BACH2: variants seen among roughly 807,000 people sequenced by gnomAD.
BACH2 encodes BACH transcriptional regulator 2, also known as transcription regulator protein BACH2.
In BACH2, 5 loss-of-function variants were observed where a neutral mutation model predicts 61.8. The ratio of observed to expected loss-of-function variants is 0.08; its 90% CI spans 0.04 to 0.17. The LOEUF (loss-of-function observed/expected upper bound fraction) is 0.17, where lower values mean the gene tolerates loss of function less well. Ranked by LOEUF, BACH2 falls within the 10% of genes least tolerant of loss-of-function variation. BACH2 has a pLI of 1.00. For missense variants in BACH2, 824 were observed against 1,091.1 expected, an observed-to-expected ratio of 0.76 and a Z score of 3.45; for synonymous variants, 446 against 440.1, an observed-to-expected ratio of 1.01 and a Z score of -0.17.
At chr6:90,021,726 T>C (rs16882357) in intron 5 of BACH2, among the ~76,000 whole-genome samples, 17,644 of 152,266 alleles carry the variant, frequency 0.12, 1,049 homozygotes, top group East Asian at 0.18. Flanking sequence ...GGAAACACTT[T>C]CTAATGCATC....
chr6:90,002,258 A>G (rs1777172870), intron 6 of BACH2, among the ~76,000 whole-genome samples: 1 of 152,170 alleles, frequency 6.6e-6, no homozygotes, highest in African/African-American at 2.4e-5. Flanking sequence ...TTAATTCGAG[A>G]AAGCTCCAAG....
intron 1 of BACH2, among the ~76,000 whole-genome samples, chr6:90,276,144 G>A (rs606745): frequency 0.016 from 2,494 of 152,230 alleles, 50 homozygotes; most frequent in African/African-American, 0.056. Flanking sequence ...AGCAATACAT[G>A]TGTAAAACGT....
chr6:90,176,903 C>G (rs754657731), intron 4 of BACH2, among the ~76,000 whole-genome samples: 14 of 152,160 alleles, frequency 9.2e-5, no homozygotes, highest in Non-Finnish European at 7.3e-5. Flanking sequence ...AGAGTAGCCT[C>G]CAAGCCACTT....
chr6:90,269,876 A>G (rs974465651), intron 2 of BACH2, among the ~76,000 whole-genome samples: 1 of 152,140 alleles, frequency 6.6e-6, no homozygotes, highest in Non-Finnish European at 1.5e-5. Context: ...TTTTATTTCA[A>G]TAGTTTTGGG....
intron 4 of BACH2, among the ~76,000 whole-genome samples, chr6:90,092,893 G>A (rs1782233277): frequency 6.6e-6 from 1 of 152,158 alleles, no homozygotes; most frequent in South Asian, 2.1e-4. Context: ...GTAGTGATGG[G>A]AGTGCCTTAG....
In BACH2 at chr6:89,950,655, C is replaced by T. The variant is rs749059526; in HGVS notation, c.1451G>A (p.Gly484Glu). 1.2e-6 allele frequency: 2 copies of T among 1,614,040 alleles called. No homozygotes were observed. Among genetic ancestry groups the T allele is most frequent in the Non-Finnish European group, 1.7e-6 (2 of 1,180,028 alleles). The change falls in exon 7 of 9, where the codon GGG becomes GAG. Residue 484 changes from glycine to glutamate, a missense_variant. Gly to Glu is a moderately conservative substitution (Grantham distance 98, BLOSUM62 -2). Coordinates refer to ENST00000257749, the MANE Select transcript of BACH2 (RefSeq NM_021813.4). The surrounding 1 kb of genome is among the most constrained non-coding windows in gnomAD (Gnocchi z 5.3). ...TCCTGGCAAGTGGTCGGCCATCAGC[C>T]CACCGTGGGAGTAGGCCTGCGAGCT... ...LPSSQAYSHG[G>E]LMADHLPGRM...
chr6:90,117,437 C>G (rs1193801539), intron 4 of BACH2, among the ~76,000 whole-genome samples: 1 of 150,250 alleles, frequency 6.7e-6, no homozygotes, highest in African/African-American at 2.5e-5. Context: ...CTTCCTGTCT[C>G]ATTTACTTCT....
intron 4 of BACH2, among the ~76,000 whole-genome samples, chr6:90,135,913 G>T (rs908665772): frequency 3.3e-5 from 5 of 152,092 alleles, no homozygotes; most frequent in African/African-American, 9.7e-5. Flanking sequence ...CTGCCGCCAG[G>T]TCTGTGGCCA....
chr6:89,988,507 A>G (rs576082258), intron 6 of BACH2, among the ~76,000 whole-genome samples: 3 of 152,330 alleles, frequency 2.0e-5, no homozygotes, highest in South Asian at 2.1e-4. Flanking sequence ...AAAATAGCTC[A>G]AAGCCTTTCC....
chr6:89,954,763 C>T (rs1774333402), intron 6 of BACH2, among the ~76,000 whole-genome samples: 3 of 152,220 alleles, frequency 2.0e-5, no homozygotes, highest in East Asian at 1.9e-4. Context: ...AAAGTCTCCA[C>T]ATCACAAATC....
At chr6:90,048,013 A>C (rs142137197) in intron 5 of BACH2, among the ~76,000 whole-genome samples, 181 of 152,308 alleles carry the variant, frequency 1.2e-3, no homozygotes, top group African/African-American at 3.8e-3. Context: ...TTCATATTCC[A>C]TTCTATTGCT....
chr6:90,205,099 C>T (rs1228997528), intron 4 of BACH2, among the ~76,000 whole-genome samples: 1 of 152,180 alleles, frequency 6.6e-6, no homozygotes, highest in African/African-American at 2.4e-5. Context: ...GCCCAGGGCC[C>T]TTCGTGCCCA....
At chr6:89,940,241 C>T (rs932301836) in intron 7 of BACH2, among the ~76,000 whole-genome samples, 25 of 152,248 alleles carry the variant, frequency 1.6e-4, no homozygotes, top group African/African-American at 5.8e-4. Flanking sequence ...AACTCCTGGT[C>T]TCAAGTGATC....
chr6:89,997,587 G>A (rs1451185330), intron 6 of BACH2, among the ~76,000 whole-genome samples: 1 of 152,242 alleles, frequency 6.6e-6, no homozygotes, highest in African/African-American at 2.4e-5. Flanking sequence ...TGGTAGTAGA[G>A]TGTTCATCTT....
intron 3 of BACH2, among the ~76,000 whole-genome samples, chr6:90,228,414 T>C: frequency 6.6e-6 from 1 of 152,190 alleles, no homozygotes; most frequent in East Asian, 1.9e-4. Flanking sequence ...ATTTTGCTCC[T>C]GGAAGAAAAA....
intron 3 of BACH2, among the ~76,000 whole-genome samples, chr6:90,245,495 T>C (rs146104553): frequency 1.3e-5 from 2 of 152,282 alleles, no homozygotes; most frequent in African/African-American, 4.8e-5. Flanking sequence ...CTCCAGAGGC[T>C]GAGGTAGCCA....
intron 6 of BACH2, among the ~76,000 whole-genome samples, chr6:89,986,619 C>A (rs1776255073): frequency 6.6e-6 from 1 of 152,074 alleles, no homozygotes; most frequent in Non-Finnish European, 1.5e-5. Context: ...ACTTAAAAAA[C>A]CTTTCCACCC....
intron 5 of BACH2, among the ~76,000 whole-genome samples, chr6:90,024,782 T>TC (rs1289760439): frequency 2.6e-5 from 4 of 152,260 alleles, no homozygotes; most frequent in South Asian, 4.1e-4. Flanking sequence ...GTGTGAACTT[T>TC]CCCCCTTATA....
In BACH2 at chr6:90,167,367, T is replaced by TC. The variant is rs1167385558; in HGVS notation, c.-162+39201_-162+39202insG. Among the ~76,000 whole-genome samples the TC allele has an allele frequency of 3.9e-5, 6 of 152,314 alleles. No homozygotes were observed. The East Asian group carries it at 1.2e-3, about 29-fold the overall frequency. ...GCTACCTCCTTTTTTCTTTTTCTTT[T>TC]TTTTTGAGATGGAGTCTCGCTCTTG... On this transcript the variant is annotated intron_variant, in intron 4 of 8. Transcript: ENST00000257749.
Sources: allele counts gnomAD v4.1 joint callset (sites outside exome capture counted in the v4.1 genomes callset), GRCh38; gene constraint gnomAD v4.1.1; non-coding constraint Gnocchi (gnomAD v3.1); transcripts MANE v1.5; gene names NCBI Gene and HGNC (gene_info 2026-07-23, HGNC 2026-07-21).